NAPEPLD: variants seen among roughly 807,000 people sequenced by gnomAD.
NAPEPLD encodes the protein N-acyl-phosphatidylethanolamine-hydrolyzing phospholipase D.
Under a neutral mutation model 38.1 loss-of-function variants are expected in NAPEPLD, and 23 were observed. That is an observed-to-expected ratio of 0.60 (90% CI 0.43 to 0.86). The LOEUF (loss-of-function observed/expected upper bound fraction) is 0.86, where lower values mean the gene tolerates loss of function less well. NAPEPLD is among the 40% of genes least tolerant of loss of function. The pLI, the probability that NAPEPLD is intolerant of heterozygous loss-of-function variation, is 0.00. For synonymous variants in NAPEPLD, 147 were observed against 162.0 expected, an observed-to-expected ratio of 0.91 and a Z score of 0.71; for missense variants, 411 against 476.8, an observed-to-expected ratio of 0.86 and a Z score of 1.28.
At chr7:103,148,689 G>A (rs1434491887) in intron 1 of NAPEPLD, 122 bp downstream of exon 1, 5 of 525,872 alleles carry the variant, frequency 9.5e-6, no homozygotes, top group Non-Finnish European at 1.2e-5. Context: ...CAAAATAAAA[G>A]GGGAGAAACC....
chr7:103,144,162 T>C (rs1161730640), intron 1 of NAPEPLD, among the ~76,000 whole-genome samples: 4 of 152,256 alleles, frequency 2.6e-5, no homozygotes, highest in African/African-American at 9.6e-5. Context: ...GCCCATGCTC[T>C]TTCCACTAAT....
Position 103,121,487 on chromosome 7 carries a change from G to A in NAPEPLD, c.295-1264C>T, listed in dbSNP as rs539922384. On this transcript the variant is annotated intron_variant, in intron 2 of 4. Coordinates refer to ENST00000465647, the MANE Select transcript of NAPEPLD (RefSeq NM_001122838.3). ...CCCAGAAACATTTCCCTCCCATCTCGTTTCAGGAAAAATTCTTCTCCAGAG... is the reference window on the plus strand; with the variant it reads ...CCCAGAAACATTTCCCTCCCATCTCATTTCAGGAAAAATTCTTCTCCAGAG... Among the ~76,000 whole-genome samples the A allele has an allele frequency of 3.4e-4, 52 of 152,098 alleles. No homozygotes were observed. The East Asian group carries it at 5.8e-3, about 17-fold the overall frequency.
chr7:103,116,500 A>G (rs11971729), intron 3 of NAPEPLD, among the ~76,000 whole-genome samples: 1,682 of 152,358 alleles, frequency 0.011, 35 homozygotes, highest in African/African-American at 0.039. Context: ...CAAAGCTCCA[A>G]TTACAAAAGA....
chr7:103,136,816 T>C (rs1045889615), intron 1 of NAPEPLD, among the ~76,000 whole-genome samples: 4 of 152,236 alleles, frequency 2.6e-5, no homozygotes, highest in Non-Finnish European at 5.9e-5. Flanking sequence ...GTATTTTCTT[T>C]TGTTAAAACT....
chr7:103,131,706 T>C (rs1158200626), intron 1 of NAPEPLD, among the ~76,000 whole-genome samples: 1 of 149,638 alleles, frequency 6.7e-6, no homozygotes, highest in Non-Finnish European at 1.5e-5. Context: ...GTCGAGACTA[T>C]AGAGGGTTAA....
chr7:103,102,136 A>G lies in NAPEPLD; in HGVS notation c.*1293T>C, dbSNP rs971977730. ...AAATCTGATTGATATATTTAGAGCT[A>G]AGAGACTCCAGGAAAAAAAAAATGT... On this transcript the variant is annotated 3_prime_UTR_variant, in exon 5 of 5. Transcript: ENST00000465647. The G allele has an allele frequency of 4.6e-5, 7 of 152,046 alleles. No homozygotes were observed. The highest frequency in any genetic ancestry group is 1.5e-5 in the Non-Finnish European group (1 of 68,022). The allele number at this position is 152,046 out of a possible 1,614,324, so 9.4% of individuals were successfully genotyped here.
At chr7:103,143,269 T>G (rs1418064159) in intron 1 of NAPEPLD, among the ~76,000 whole-genome samples, 1 of 151,902 alleles carries the variant, frequency 6.6e-6, no homozygotes, top group Non-Finnish European at 1.5e-5. Context: ...TAGAAAAGTC[T>G]TGGGGAATAA....
intron 4 of NAPEPLD, among the ~76,000 whole-genome samples, chr7:103,108,295 A>G (rs1803817023): frequency 6.6e-6 from 1 of 152,118 alleles, no homozygotes; most frequent in Admixed American, 6.5e-5. Flanking sequence ...GGCGTGCGCC[A>G]CAACACCCAG....
At chr7:103,141,607 T>C in intron 1 of NAPEPLD, 1 of 928,524 alleles carries the variant, frequency 1.1e-6, no homozygotes, top group Admixed American at 1.7e-5. Flanking sequence ...TCTTCTTAGA[T>C]TCACGGTATC....
chr7:103,114,635 C>T (rs905368687), intron 4 of NAPEPLD, among the ~76,000 whole-genome samples: 5 of 152,180 alleles, frequency 3.3e-5, no homozygotes, highest in Non-Finnish European at 7.3e-5. Context: ...CAGCAAACAT[C>T]CTGATTCTGA....
At position 103,106,039 on chromosome 7, in the gene NAPEPLD, G is replaced by A. The variant is rs1389249258; in HGVS notation, c.1057-2485C>T. Among the ~76,000 whole-genome samples, 3 of 151,952 alleles carry A rather than the reference G, an allele frequency of 2.0e-5. No individual in the cohort carries two copies. In the East Asian group the frequency reaches 5.8e-4, roughly 29 times the overall value. On this transcript the variant is annotated intron_variant, in intron 4 of 4. Coordinates refer to ENST00000465647, the MANE Select transcript of NAPEPLD (RefSeq NM_001122838.3). ...GGTGATTTCTGCATTTCCAACTGAG[G>A]TACCTGGTCCATCTCATTAGGGCTG...
At chr7:103,145,546 C>T (rs914442657) in intron 1 of NAPEPLD, among the ~76,000 whole-genome samples, 18 of 152,192 alleles carry the variant, frequency 1.2e-4, no homozygotes, top group African/African-American at 4.1e-4. Flanking sequence ...TCATGACAGG[C>T]TAAACTCCTG....
intron 3 of NAPEPLD, among the ~76,000 whole-genome samples, chr7:103,115,701 T>C (rs191854299): frequency 1.6e-4 from 25 of 152,324 alleles, no homozygotes; most frequent in African/African-American, 5.8e-4. Flanking sequence ...AGCAATTTTT[T>C]TTAAACGATA....
chr7:103,134,173 G>A (rs1180318716), intron 1 of NAPEPLD, among the ~76,000 whole-genome samples: 4 of 152,184 alleles, frequency 2.6e-5, no homozygotes, highest in Admixed American at 2.0e-4. Context: ...GGACAGGAGT[G>A]AAAACATTGC....
chr7:103,123,296 T>C (rs1360577433), intron 2 of NAPEPLD, among the ~76,000 whole-genome samples: 2 of 152,208 alleles, frequency 1.3e-5, no homozygotes, highest in Non-Finnish European at 2.9e-5. Context: ...AGTGCTCAGT[T>C]TGATTAATGA....
chr7:103,142,222 T>C (rs1049752546), intron 1 of NAPEPLD, among the ~76,000 whole-genome samples: 1 of 152,226 alleles, frequency 6.6e-6, no homozygotes. Context: ...CAACTCTTAC[T>C]TCCTGTTCAG....
chr7:103,148,627 T>C (rs530820749), intron 1 of NAPEPLD, among the ~76,000 whole-genome samples, 184 bp downstream of exon 1: 2 of 148,342 alleles, frequency 1.3e-5, no homozygotes, highest in African/African-American at 4.9e-5. Flanking sequence ...CTAGCCCCAT[T>C]TTTTTTTTTG....
intron 1 of NAPEPLD, among the ~76,000 whole-genome samples, chr7:103,132,676 G>T (rs1290738737): frequency 1.3e-5 from 2 of 152,152 alleles, no homozygotes; most frequent in African/African-American, 4.8e-5. Flanking sequence ...TTGCAGGCCT[G>T]TAGTCCCAGC....
intron 1 of NAPEPLD, among the ~76,000 whole-genome samples, chr7:103,139,177 G>C (rs1237500464): frequency 1.3e-5 from 2 of 152,170 alleles, no homozygotes; most frequent in East Asian, 1.9e-4. Context: ...AACTTAAAAA[G>C]ATTCCAGATA....
Sources: gnomAD v4.1 joint callset for allele counts (sites outside exome capture counted in the v4.1 genomes callset) on GRCh38, gnomAD v4.1.1 for gene constraint, MANE v1.5 for transcripts, NCBI Gene and HGNC (gene_info 2026-07-23, HGNC 2026-07-21) for gene names.